The following PDE4B variants were observed in gnomAD, a reference collection of about 807,000 sequenced individuals.
The protein encoded by PDE4B is phosphodiesterase 4B.
In PDE4B, 20 loss-of-function variants were observed where a neutral mutation model predicts 82.2. The ratio of observed to expected loss-of-function variants is 0.24; its 90% CI spans 0.17 to 0.35. PDE4B has a LOEUF of 0.35. Ranked by LOEUF, PDE4B falls within the 10% of genes least tolerant of loss-of-function variation. The pLI, the probability that PDE4B is intolerant of heterozygous loss-of-function variation, is 1.00. For synonymous variants in PDE4B, 320 were observed against 318.9 expected (o/e 1.00, Z -0.04); for missense variants, 655 against 907.2 (o/e 0.72, Z 3.57).
chr1:66,332,381 G>A lies in PDE4B; in HGVS notation c.635-127G>A, dbSNP rs376078522. On this transcript the variant is annotated intron_variant, in intron 7 of 16. Transcript: ENST00000341517. Reference sequence around the variant, plus strand: ...AGAGAGCTGGAAGGAAGGAGCCAGCGTGCAAATAATGAAGGAGCACGGGGG... The same window carrying A: ...AGAGAGCTGGAAGGAAGGAGCCAGCATGCAAATAATGAAGGAGCACGGGGG... 2.9e-3 allele frequency: 4,714 copies of A among 1,613,280 alleles called. 88 individuals are homozygous for A. In the South Asian group the frequency reaches 0.033, roughly 11 times the overall value.
At chr1:66,196,308 T>C (rs1648291314) in intron 3 of PDE4B, among the ~76,000 whole-genome samples, 1 of 152,188 alleles carries the variant, frequency 6.6e-6, no homozygotes, top group African/African-American at 2.4e-5. Flanking sequence ...ACTTGCTTCA[T>C]CTTTAAAATA....
chr1:66,034,127 T>G (rs547362101), intron 3 of PDE4B, among the ~76,000 whole-genome samples: 1 of 152,346 alleles, frequency 6.6e-6, no homozygotes, highest in African/African-American at 2.4e-5. Flanking sequence ...AGTCTGTGTA[T>G]TTCTTTCTCC....
chr1:66,049,323 C>T (rs1200694522), intron 3 of PDE4B, among the ~76,000 whole-genome samples: 4 of 152,056 alleles, frequency 2.6e-5, no homozygotes, highest in Admixed American at 6.6e-5. Context: ...CAGTTACCCT[C>T]ATGGATTTCA....
intron 7 of PDE4B, among the ~76,000 whole-genome samples, chr1:66,329,253 A>G (rs1659942990): frequency 6.6e-6 from 1 of 152,236 alleles, no homozygotes; most frequent in Non-Finnish European, 1.5e-5. Flanking sequence ...TACCATAATA[A>G]TGTAAGACAT....
chr1:66,137,424 T>C (rs1391431173), intron 3 of PDE4B, among the ~76,000 whole-genome samples: 1 of 152,214 alleles, frequency 6.6e-6, no homozygotes, highest in Non-Finnish European at 1.5e-5. Flanking sequence ...TCATGTCTGA[T>C]GGCTTTAATT....
chr1:66,324,124 G>C (rs1028065906), intron 7 of PDE4B, among the ~76,000 whole-genome samples: 17 of 152,104 alleles, frequency 1.1e-4, no homozygotes, highest in African/African-American at 4.1e-4. Flanking sequence ...AGACCAAAAG[G>C]AAACAGTGCT....
intron 3 of PDE4B, among the ~76,000 whole-genome samples, chr1:66,225,143 C>T (rs1651340558): frequency 6.6e-6 from 1 of 152,158 alleles, no homozygotes; most frequent in Non-Finnish European, 1.5e-5. Context: ...AACATAAAAA[C>T]ATGACATTAA....
chr1:65,940,923 A>C (rs1455249428), intron 3 of PDE4B, among the ~76,000 whole-genome samples: 1 of 152,084 alleles, frequency 6.6e-6, no homozygotes, highest in African/African-American at 2.4e-5. Context: ...AAATATACTA[A>C]AAGTACAGAA....
chr1:65,853,379 T>A (rs1646352991), intron 1 of PDE4B, among the ~76,000 whole-genome samples: 1 of 152,184 alleles, frequency 6.6e-6, no homozygotes. Flanking sequence ...TCTAATGTTA[T>A]TATAGATATA....
At chr1:66,008,310 CCATTCATTCACT>C (rs1328557788) in intron 3 of PDE4B, among the ~76,000 whole-genome samples, 1 of 152,138 alleles carries the variant, frequency 6.6e-6, no homozygotes, top group Admixed American at 6.6e-5. Context: ...TATTTGCAAA[CCATTCATTCACT>C]CATTCATTCA....
At chr1:65,869,702 A>G (rs1340241196) in intron 1 of PDE4B, among the ~76,000 whole-genome samples, 7 of 151,742 alleles carry the variant, frequency 4.6e-5, no homozygotes, top group Admixed American at 4.6e-4. Flanking sequence ...ACCCCTTATA[A>G]TCTGTGAGGT....
At chr1:66,270,443 T>C (rs1267662250) in intron 7 of PDE4B, among the ~76,000 whole-genome samples, 1 of 151,976 alleles carries the variant, frequency 6.6e-6, no homozygotes. Flanking sequence ...GACAAGAGGG[T>C]CAGTGAGTTA....
intron 3 of PDE4B, among the ~76,000 whole-genome samples, chr1:65,987,979 C>A (rs1327332890): frequency 6.6e-6 from 1 of 152,164 alleles, no homozygotes; most frequent in Non-Finnish European, 1.5e-5. Context: ...ATTTGGTCTA[C>A]AAATATTTAT....
chr1:66,051,012 A>G (rs1170970003), intron 3 of PDE4B, among the ~76,000 whole-genome samples: 1 of 152,104 alleles, frequency 6.6e-6, no homozygotes, highest in Non-Finnish European at 1.5e-5. Flanking sequence ...AATGTAAAAA[A>G]CTGGATCACC....
chr1:66,023,400 A>T (rs1653251976), intron 3 of PDE4B, among the ~76,000 whole-genome samples: 1 of 152,212 alleles, frequency 6.6e-6, no homozygotes, highest in Admixed American at 6.5e-5. Flanking sequence ...CTCCAGGGGA[A>T]AGAGCATTTT....
intron 7 of PDE4B, among the ~76,000 whole-genome samples, chr1:66,299,153 A>C (rs1455384613): frequency 3.3e-5 from 5 of 152,172 alleles, no homozygotes; most frequent in Non-Finnish European, 7.4e-5. Flanking sequence ...CCCATAGTGC[A>C]ATAGAAAACT....
chr1:66,228,616 A>G (rs894145959), intron 3 of PDE4B, among the ~76,000 whole-genome samples: 1 of 145,242 alleles, frequency 6.9e-6, no homozygotes, highest in African/African-American at 2.8e-5. Flanking sequence ...GCGACAGAGC[A>G]AGACTCCGTT....
intron 3 of PDE4B, among the ~76,000 whole-genome samples, chr1:65,948,777 A>T (rs1485548776): frequency 6.6e-6 from 1 of 152,044 alleles, no homozygotes; most frequent in Admixed American, 6.6e-5. Flanking sequence ...ATATCTGAGT[A>T]ATTTACGGAT....
At chr1:66,089,378 G>A (rs1570198267) in intron 3 of PDE4B, among the ~76,000 whole-genome samples, 2 of 152,152 alleles carry the variant, frequency 1.3e-5, no homozygotes, top group African/African-American at 4.8e-5. Flanking sequence ...TTTGTGTTGT[G>A]TTCAGATTTC....
Sources: allele counts gnomAD v4.1 joint callset (sites outside exome capture counted in the v4.1 genomes callset), GRCh38; gene constraint gnomAD v4.1.1; transcripts MANE v1.5; gene names NCBI Gene and HGNC (gene_info 2026-07-23, HGNC 2026-07-21).